GUCY2D: variants seen among roughly 807,000 people sequenced by gnomAD.
GUCY2D encodes the protein retinal guanylyl cyclase 1.
A neutral mutation model predicts 101.3 loss-of-function variants in GUCY2D; 70 were observed. That is an observed-to-expected ratio of 0.69 (90% CI 0.57 to 0.84). GUCY2D has a LOEUF of 0.84. Ranked by LOEUF, GUCY2D falls within the 40% of genes least tolerant of loss-of-function variation. GUCY2D has a pLI of 0.00. For missense variants in GUCY2D, 1,460 were observed against 1,542.5 expected (o/e 0.95, Z 0.90); for synonymous variants, 688 against 670.7 (o/e 1.03, Z -0.40).
intron 6 of GUCY2D, 31 bp downstream of exon 6, chr17:8,007,559 G>A (rs1409121806): frequency 1.4e-6 from 2 of 1,399,870 alleles, no homozygotes; most frequent in Admixed American, 1.7e-5. Flanking sequence ...GGAGCCAGTT[G>A]TCTTCTTTCC....
chr17:8,007,289 A>G (rs543456744), intron 5 of GUCY2D, 137 bp from the exon 6 acceptor site: 17 of 895,902 alleles, frequency 1.9e-5, no homozygotes, highest in Non-Finnish European at 3.8e-6. Context: ...GTAGAGTCCC[A>G]GGGGATGTGT....
rs1326185933 is a variant in GUCY2D, at chr17:8,006,394, C to A, written c.1058C>A (p.Ala353Glu). ...VSPLFGTIYD[A>E]VFLLARGVAE... is the part of the protein sequence containing the mutation. ...CCACTCTTTGGCACCATCTATGACG[C>A]GGTCTTCTTGCTGGCAAGGGGCGTG... Residue 353 changes from alanine to glutamate, a missense_variant, in exon 4 of 20, where the codon GCG becomes GAG. Physicochemically the swap from Ala to Glu is moderately radical, Grantham distance 107 (BLOSUM62 -1). Coordinates refer to ENST00000254854, the MANE Select transcript of GUCY2D (RefSeq NM_000180.4). The A allele has an allele frequency of 1.2e-6, 2 of 1,601,230 alleles. No homozygotes were observed. Among genetic ancestry groups the A allele is most frequent in the African/African-American group, 2.7e-5 (2 of 75,060 alleles).
In GUCY2D at chr17:8,003,354, G is replaced by T; in HGVS notation, c.307G>T (p.Glu103Ter). The change falls in exon 2 of 20, where the codon GAG becomes TAG. Residue 103 changes from glutamate to a stop codon, truncating the protein, a stop_gained. Coordinates refer to ENST00000254854, the MANE Select transcript of GUCY2D (RefSeq NM_000180.4). LOFTEE classifies it high-confidence loss of function. ...CCGCTTCGAGGTAGCGCTGCTGCCC[G>T]AGCCTTGCCGGACGCCGGGCTCGCT... ...GPRFEVALLP[E>*]PCRTPGSLGA... The T allele has an allele frequency of 1.4e-6, 2 of 1,469,656 alleles. No individual in the cohort carries two copies. The highest frequency in any genetic ancestry group is 1.8e-6 in the Non-Finnish European group (2 of 1,117,598). The allele number at this position is 1,469,656 out of a possible 1,614,324, so 91.0% of individuals were successfully genotyped here. A position where few individuals can be genotyped will look rare whatever the true frequency, so the allele number is the denominator to read the frequency against.
rs533083983 is a variant in GUCY2D, at chr17:8,019,230, G to A, written c.*25-898G>A. Among the ~76,000 whole-genome samples, 684 of 151,990 alleles carry A rather than the reference G, an allele frequency of 4.5e-3. 5 individuals are homozygous for A. The highest frequency in any genetic ancestry group is 7.0e-3 in the Non-Finnish European group (475 of 67,950). ...CTCCTGTCTCTTCCCTCCCGTACCC[G>A]ACCCTGCAGCCCTTCCCCTTCCTTC... On this transcript the variant is annotated intron_variant, in intron 19 of 19. Coordinates refer to ENST00000254854, the MANE Select transcript of GUCY2D (RefSeq NM_000180.4).
chr17:8,003,565 ACGC>A lies in GUCY2D; in HGVS notation c.520_522del (p.Ala174del). 1 of 1,578,796 alleles carries A rather than the reference ACGC, an allele frequency of 6.3e-7. No homozygotes were observed. Among genetic ancestry groups the A allele is most frequent in the Non-Finnish European group, 8.5e-7 (1 of 1,170,264 alleles). ...GTGACCCCCGCCGCGGATGCCCTCTACGCCCTGCTTCGCGCATTCGGCTGGGCG... is the reference window on the plus strand; with the variant it reads ...GTGACCCCCGCCGCGGATGCCCTCTACCTGCTTCGCGCATTCGGCTGGGCG... On this transcript the variant is annotated inframe_deletion, in exon 2 of 20. Coordinates refer to ENST00000254854, the MANE Select transcript of GUCY2D (RefSeq NM_000180.4).
chr17:8,012,130 T>C lies in GUCY2D; in HGVS notation c.1750-14T>C. The C allele has an allele frequency of 6.2e-7, 1 of 1,602,812 alleles. No homozygotes were observed. The highest frequency in any genetic ancestry group is 8.5e-7 in the Non-Finnish European group (1 of 1,170,728). On this transcript the variant is annotated splice_polypyrimidine_tract_variant and intron_variant, in intron 8 of 19. Coordinates refer to ENST00000254854, the MANE Select transcript of GUCY2D (RefSeq NM_000180.4). Reference sequence around the variant, plus strand: ...CCCTGGGCAGAAAATGCAAGTCAACTCTCCCCCTCTCAGCTCCAGGAGCTC... The same window carrying C: ...CCCTGGGCAGAAAATGCAAGTCAACCCTCCCCCTCTCAGCTCCAGGAGCTC...
intron 4 of GUCY2D, 99 bp from the exon 5 acceptor site, chr17:8,006,961 C>T (rs2151800716): frequency 2.0e-6 from 2 of 1,007,132 alleles, no homozygotes; most frequent in Non-Finnish European, 1.6e-6. Context: ...GGGCCCCCAT[C>T]CCCCTTTCCT....
chr17:8,015,042 T>G lies in GUCY2D; in HGVS notation c.2760T>G (p.Asp920Glu), dbSNP rs918045455. 6 of 1,613,326 alleles carry G rather than the reference T, an allele frequency of 3.7e-6. No individual in the cohort carries two copies. The highest frequency in any genetic ancestry group is 5.1e-6 in the Non-Finnish European group (6 of 1,179,574). ...TLFDAIIGSH[D>E]VYKVETIGDA... The stretch of plus-strand genomic sequence containing the variant: ...TTGATGCCATCATTGGTTCCCACGA[T>G]GTCTACAAGGTGCAGTGTGTAGGGG... The change falls in exon 14 of 20, where the codon GAT becomes GAG. Residue 920 changes from aspartate to glutamate, a missense_variant. Around this residue, in one of 3 missense-constraint regions of GUCY2D, gnomAD observed 49 missense variants for 85.0 expected, o/e 0.58. Transcript: ENST00000254854.
In GUCY2D at chr17:8,016,410, CCCTTCCCTGAGGCCACCGCCCCCT is replaced by C; in HGVS notation, c.3225-28_3225-5del. ...GGCCCTGCCCTCCCACGCCCCATTC[CCCTTCCCTGAGGCCACCGCCCCCT>C]CCTTGCAGGTCCAGCAACCACGGCA... On this transcript the variant is annotated splice_polypyrimidine_tract_variant and intron_variant, in intron 18 of 19. Coordinates refer to ENST00000254854, the MANE Select transcript of GUCY2D (RefSeq NM_000180.4). The C allele has an allele frequency of 6.6e-7, 1 of 1,504,214 alleles. No homozygotes were observed. Among genetic ancestry groups the C allele is most frequent in the Non-Finnish European group, 9.0e-7 (1 of 1,107,170 alleles). The allele number at this position is 1,504,214 out of a possible 1,614,324, so 93.2% of individuals were successfully genotyped here. A position where few individuals can be genotyped will look rare whatever the true frequency, so the allele number is the denominator to read the frequency against.
Position 8,012,236 on chromosome 17 carries a change from C to A in GUCY2D, c.1842C>A (p.Asn614Lys). 1 of 1,613,932 alleles carries A rather than the reference C, an allele frequency of 6.2e-7. No homozygotes were observed. Among genetic ancestry groups the A allele is most frequent in the Non-Finnish European group, 8.5e-7 (1 of 1,179,820 alleles). Residue 614 changes from asparagine to lysine, a missense_variant, in exon 9 of 20, where the codon AAC becomes AAA. Asn to Lys is a moderately conservative substitution (Grantham distance 94). Coordinates refer to ENST00000254854, the MANE Select transcript of GUCY2D (RefSeq NM_000180.4). The stretch of plus-strand genomic sequence containing the variant: ...GCCCTGCGGCCCTCTGGGAGGGCAA[C>A]CTGGCTGTGGTCTCAGAGCACTGCA... ...AEGPAALWEG[N>K]LAVVSEHCTR... is the part of the protein sequence containing the mutation.
intron 8 of GUCY2D, among the ~76,000 whole-genome samples, chr17:8,009,961 G>C (rs967806848): frequency 6.6e-6 from 1 of 151,798 alleles, no homozygotes; most frequent in Non-Finnish European, 1.5e-5. Flanking sequence ...CTGGGTGACA[G>C]AGCAAGACCC....
rs769017393 is a variant in GUCY2D, at chr17:8,004,169, G to C, written c.1026+13G>C. On this transcript the variant is annotated intron_variant, in intron 3 of 19. Transcript: ENST00000254854. ...CAATCTGCAGCAGGTAGACGGTCCCGGGAGGAGGGAAGAAGGCAAGGGAGA... is the reference window on the plus strand; with the variant it reads ...CAATCTGCAGCAGGTAGACGGTCCCCGGAGGAGGGAAGAAGGCAAGGGAGA... The C allele has an allele frequency of 5.1e-6, 8 of 1,578,862 alleles. No individual in the cohort carries two copies. Among genetic ancestry groups the C allele is most frequent in the Non-Finnish European group, 6.0e-6 (7 of 1,166,900 alleles).
At position 8,007,529 on chromosome 17, in the gene GUCY2D, G is replaced by C; in HGVS notation, c.1566+1G>C. The C allele has an allele frequency of 6.3e-7, 1 of 1,575,000 alleles. No individual in the cohort carries two copies. The highest frequency in any genetic ancestry group is 8.7e-7 in the Non-Finnish European group (1 of 1,144,530). On this transcript the variant is annotated splice_donor_variant, in intron 6 of 19. Coordinates refer to ENST00000254854, the MANE Select transcript of GUCY2D (RefSeq NM_000180.4). LOFTEE classifies it high-confidence loss of function. ...CCCACATGGGGGCACCTCTCGAAAGGTGGGGGAGGCAGAGAGGCAGGAGCC... is the reference window on the plus strand; with the variant it reads ...CCCACATGGGGGCACCTCTCGAAAGCTGGGGGAGGCAGAGAGGCAGGAGCC...
At position 8,003,556 on chromosome 17, in the gene GUCY2D, A is replaced by G; in HGVS notation, c.509A>G (p.Asp170Gly). The G allele has an allele frequency of 1.9e-6, 3 of 1,572,348 alleles. No individual in the cohort carries two copies. The South Asian group carries it at 3.4e-5, about 18-fold the overall frequency. The stretch of plus-strand genomic sequence containing the variant: ...GCCCCTGCCGTGACCCCCGCCGCGG[A>G]TGCCCTCTACGCCCTGCTTCGCGCA... ...TTAPAVTPAA[D>G]ALYALLRAFG... The change falls in exon 2 of 20, where the codon GAT becomes GGT. Residue 170 changes from aspartate (D) to glycine (G), a missense_variant. Coordinates refer to ENST00000254854, the MANE Select transcript of GUCY2D (RefSeq NM_000180.4).
intron 3 of GUCY2D, 27 bp from the exon 4 acceptor site, chr17:8,006,336 C>T: frequency 6.4e-7 from 1 of 1,567,724 alleles, no homozygotes; most frequent in Non-Finnish European, 8.7e-7. Flanking sequence ...TGACCCCGAC[C>T]TCTGAGCCCC....
At chr17:8,018,024 C>G (rs1265535570) in intron 19 of GUCY2D, among the ~76,000 whole-genome samples, 1 of 152,168 alleles carries the variant, frequency 6.6e-6, no homozygotes, top group East Asian at 1.9e-4. Flanking sequence ...CCTGTCCTGG[C>G]AAGTCCCCAG....
chr17:8,007,422 C>T lies in GUCY2D; in HGVS notation c.1464-4C>T. ...TTGGTGGAGGTGACCTCTTTCTCCA[C>T]CAGGCACCGGCTACTTCACATGCAA... On this transcript the variant is annotated splice_region_variant and splice_polypyrimidine_tract_variant and intron_variant, in intron 5 of 19. Coordinates refer to ENST00000254854, the MANE Select transcript of GUCY2D (RefSeq NM_000180.4). The T allele has an allele frequency of 6.3e-7, 1 of 1,599,614 alleles. No homozygotes were observed. The highest frequency in any genetic ancestry group is 8.6e-7 in the Non-Finnish European group (1 of 1,166,858).
Position 8,015,430 on chromosome 17 carries a change from A to G in GUCY2D, c.2872A>G (p.Ser958Gly). The change falls in exon 15 of 20, where the codon AGT becomes GGT. Residue 958 changes from serine (S) to glycine (G), a missense_variant. Ser to Gly is a moderately conservative substitution (Grantham distance 56). Around this residue, in one of 3 missense-constraint regions of GUCY2D, gnomAD observed 215 missense variants for 227.9 expected, o/e 0.94. Transcript: ENST00000254854. ...EIANMSLDIL[S>G]AVGTFRMRHM... is the part of the protein sequence containing the mutation. ...CGCCAACATGTCACTGGACATCCTC[A>G]GTGCCGTGGGCACTTTCCGCATGCG... 1.2e-6 allele frequency: 2 copies of G among 1,613,916 alleles called. No individual in the cohort carries two copies. The highest frequency in any genetic ancestry group is 2.2e-5 in the East Asian group (1 of 44,886).
rs1294665890 is a variant in GUCY2D at position 8,019,563 on chromosome 17, A to T, written c.*25-565A>T. On this transcript the variant is annotated intron_variant, in intron 19 of 19. Transcript: ENST00000254854. ...AGCTAGAAGAACTTGGGGAACCCCC[A>T]CCCCAGAGTTCACAGATCTAGTGGG... Among the ~76,000 whole-genome samples the T allele has an allele frequency of 3.3e-5, 5 of 151,986 alleles. No individual in the cohort carries two copies. The East Asian group carries it at 9.6e-4, about 29-fold the overall frequency.
Sources: allele counts gnomAD v4.1 joint callset (sites outside exome capture counted in the v4.1 genomes callset), GRCh38; gene constraint gnomAD v4.1.1; regional missense constraint gnomAD v4.1.1; transcripts MANE v1.5; gene names NCBI Gene and HGNC (gene_info 2026-07-23, HGNC 2026-07-21).